Variants in GCNT2 observed in about 807,000 individuals in gnomAD.
GCNT2 encodes glucosaminyl (N-acetyl) transferase 2 (I blood group).
A neutral mutation model predicts 34.2 loss-of-function variants in GCNT2; 34 were observed. The ratio of observed to expected loss-of-function variants is 1.00; its 90% CI spans 0.76 to 1.32. The LOEUF (loss-of-function observed/expected upper bound fraction) is 1.32, where lower values mean the gene tolerates loss of function less well. Ranked by LOEUF, GCNT2 falls within the 40% of genes most tolerant of loss-of-function variation. The probability of loss-of-function intolerance (pLI) is 0.00; values close to 1 mark genes in which losing one functional copy is unlikely to be tolerated. For synonymous variants in GCNT2, 212 were observed against 188.0 expected (o/e 1.13, Z -1.04); for missense variants, 584 against 489.4 (o/e 1.19, Z -1.82).
chr6:10,586,821 C>T (rs1272491433), intron 3 of GCNT2: 2 of 1,613,774 alleles, frequency 1.2e-6, no homozygotes, highest in African/African-American at 2.7e-5. Flanking sequence ...CGACTTTGTT[C>T]TACGTGACCA....
At chr6:10,602,003 T>C (rs1042698890) in intron 3 of GCNT2, among the ~76,000 whole-genome samples, 2 of 150,880 alleles carry the variant, frequency 1.3e-5, no homozygotes, top group African/African-American at 4.9e-5. Flanking sequence ...AACTGGATAC[T>C]GGAAACTGCC....
chr6:10,542,626 C>T lies in GCNT2; in HGVS notation c.925+12790C>T, dbSNP rs116358822. 9.3e-3 allele frequency among the ~76,000 whole-genome samples: 1,414 copies of T among 152,272 alleles called. 20 individuals carry two copies. The highest frequency in any genetic ancestry group is 0.032 in the African/African-American group (1,343 of 41,542). On this transcript the variant is annotated intron_variant, in intron 3 of 4. Transcript: ENST00000495262. ...TATATGTGTTCTTTCATGCGTAGCT[C>T]CTTTTACTTATTGCCATGTTTTTAA...
intron 3 of GCNT2, chr6:10,556,553 C>T (rs1167302614): frequency 2.5e-6 from 4 of 1,614,006 alleles, no homozygotes; most frequent in Non-Finnish European, 3.4e-6. Flanking sequence ...CCCTTTGAGG[C>T]TGACTCAAGT....
At chr6:10,531,204 T>C (rs902995165) in intron 3 of GCNT2, among the ~76,000 whole-genome samples, 3 of 152,214 alleles carry the variant, frequency 2.0e-5, no homozygotes, top group Non-Finnish European at 4.4e-5. Context: ...TGACTTTCAA[T>C]AAGGTCTCAA....
rs1395099620 is a variant in GCNT2 at position 10,555,188 on chromosome 6, G to A, written c.925+25352G>A. On this transcript the variant is annotated intron_variant, in intron 3 of 4. Coordinates refer to ENST00000495262, the MANE Select transcript of GCNT2 (RefSeq NM_145649.5). The stretch of plus-strand genomic sequence containing the variant: ...GGTCAGGTGAATAGTGAGGGGAAAT[G>A]GGCAGGCAGTCAATGGTTAAGTTGG... 2.0e-5 allele frequency among the ~76,000 whole-genome samples: 3 copies of A among 152,134 alleles called. No homozygotes were observed. In the East Asian group the frequency reaches 5.8e-4, roughly 29 times the overall value.
chr6:10,572,650 C>T (rs1391325336), intron 3 of GCNT2, among the ~76,000 whole-genome samples: 10 of 152,062 alleles, frequency 6.6e-5, no homozygotes, highest in South Asian at 2.1e-4. Flanking sequence ...AGGAGAATGG[C>T]GTGAACCCAG....
At chr6:10,530,455 A>G (rs946800503) in intron 3 of GCNT2, among the ~76,000 whole-genome samples, 5 of 152,242 alleles carry the variant, frequency 3.3e-5, no homozygotes, top group Non-Finnish European at 5.9e-5. Flanking sequence ...TAAAATTTGA[A>G]TGACAATTTG....
At chr6:10,586,853 A>G (rs367830933) in intron 3 of GCNT2, 46 of 1,613,998 alleles carry the variant, frequency 2.9e-5, no homozygotes, top group Middle Eastern at 1.6e-4. Context: ...ATCTACTACA[A>G]TGGTCAAAAG....
chr6:10,573,374 G>T, intron 3 of GCNT2: 1 of 820,680 alleles, frequency 1.2e-6, no homozygotes, highest in Non-Finnish European at 1.5e-6. Flanking sequence ...CTTTGCTTGG[G>T]CATTTAGTGT....
chr6:10,556,162 A>C, intron 3 of GCNT2: 1 of 1,359,500 alleles, frequency 7.4e-7, no homozygotes, highest in Non-Finnish European at 9.5e-7. Flanking sequence ...CAGAGGGAGG[A>C]GGGAAGGCTG....
At chr6:10,590,202 A>G (rs1273694377) in intron 3 of GCNT2, among the ~76,000 whole-genome samples, 1 of 152,122 alleles carries the variant, frequency 6.6e-6, no homozygotes, top group East Asian at 1.9e-4. Context: ...GTTTCAGTCC[A>G]GCCTGGGCAA....
At chr6:10,559,670 C>T (rs1168362909) in intron 3 of GCNT2, among the ~76,000 whole-genome samples, 1 of 152,260 alleles carries the variant, frequency 6.6e-6, no homozygotes, top group Non-Finnish European at 1.5e-5. Context: ...CATCCCATTT[C>T]CCTTGCAGGA....
intron 3 of GCNT2, among the ~76,000 whole-genome samples, chr6:10,554,923 G>C (rs6939502): frequency 2.0e-5 from 3 of 152,150 alleles, no homozygotes; most frequent in Non-Finnish European, 4.4e-5. Context: ...GAATGGAAGC[G>C]ACAGTGTGCT....
intron 3 of GCNT2, among the ~76,000 whole-genome samples, chr6:10,568,700 T>C (rs1763392138): frequency 6.6e-6 from 1 of 152,176 alleles, no homozygotes; most frequent in Admixed American, 6.5e-5. Flanking sequence ...CCCCTCAGTA[T>C]TACCTGTGTT....
intron 3 of GCNT2, among the ~76,000 whole-genome samples, chr6:10,541,702 G>A (rs556502386): frequency 1.6e-4 from 25 of 152,216 alleles, no homozygotes; most frequent in African/African-American, 5.8e-4. Flanking sequence ...TAATTGCAGG[G>A]AATTCAAGGG....
At chr6:10,526,527 A>T (rs974216691) in intron 1 of GCNT2, among the ~76,000 whole-genome samples, 7 of 152,296 alleles carry the variant, frequency 4.6e-5, no homozygotes, top group Admixed American at 6.5e-5. Flanking sequence ...TTATTGTATA[A>T]TAGTAAGTGC....
At chr6:10,533,800 CAAAAAAAAAAAA>C (rs869274003) in intron 3 of GCNT2, among the ~76,000 whole-genome samples, 3 of 43,378 alleles carry the variant, frequency 6.9e-5, no homozygotes, top group African/African-American at 9.7e-5. Flanking sequence ...GACTCTGTCT[CAAAAAAAAAAAA>C]AAAAAAAAAA....
chr6:10,564,323 C>T (rs1278634101), intron 3 of GCNT2, among the ~76,000 whole-genome samples: 1 of 152,156 alleles, frequency 6.6e-6, no homozygotes, highest in Non-Finnish European at 1.5e-5. Flanking sequence ...ATTCTACATG[C>T]TCTGAACTAA....
intron 3 of GCNT2, among the ~76,000 whole-genome samples, chr6:10,618,763 G>A (rs1052550042): frequency 6.6e-6 from 1 of 152,110 alleles, no homozygotes; most frequent in Non-Finnish European, 1.5e-5. Flanking sequence ...CTTTAGATAG[G>A]CAAGCATCAA....
Sources: gnomAD v4.1 joint callset for allele counts (sites outside exome capture counted in the v4.1 genomes callset) on GRCh38, gnomAD v4.1.1 for gene constraint, MANE v1.5 for transcripts, NCBI Gene and HGNC (gene_info 2026-07-23, HGNC 2026-07-21) for gene names.